Variants in MACROD2 observed in about 807,000 individuals in gnomAD.
The protein encoded by MACROD2 is ADP-ribose glycohydrolase MACROD2.
Under a neutral mutation model 70.4 loss-of-function variants are expected in MACROD2, and 36 were observed. The ratio of observed to expected loss-of-function variants is 0.51; its 90% CI spans 0.39 to 0.68. The LOEUF is 0.68. MACROD2 is among the 30% of genes least tolerant of loss of function. MACROD2 has a pLI of 0.00. For synonymous variants in MACROD2, 172 were observed against 178.8 expected, an observed-to-expected ratio of 0.96 and a Z score of 0.30; for missense variants, 496 against 538.4, an observed-to-expected ratio of 0.92 and a Z score of 0.78.
chr20:14,177,073 CATT>C (rs2081268470), intron 3 of MACROD2, among the ~76,000 whole-genome samples: 1 of 152,166 alleles, frequency 6.6e-6, no homozygotes, highest in South Asian at 2.1e-4. Context: ...AAACACTCAA[CATT>C]ATTAAGATGT....
intron 5 of MACROD2, among the ~76,000 whole-genome samples, chr20:15,148,556 T>C (rs905220193): frequency 1.3e-5 from 2 of 151,936 alleles, no homozygotes; most frequent in Non-Finnish European, 2.9e-5. Context: ...GAGCAGGGCA[T>C]GTATGAGTAG....
chr20:15,322,333 A>G (rs559015455), intron 6 of MACROD2, among the ~76,000 whole-genome samples: 1 of 143,686 alleles, frequency 7.0e-6, no homozygotes, highest in South Asian at 2.3e-4. Context: ...TGGGACGGGG[A>G]TATTTACCAT....
chr20:15,685,642 C>T (rs943971381), intron 8 of MACROD2, among the ~76,000 whole-genome samples: 3 of 152,216 alleles, frequency 2.0e-5, no homozygotes, highest in Middle Eastern at 3.4e-3. Flanking sequence ...CTTGTTTCTT[C>T]TAGTAAACCA....
At position 15,189,101 on chromosome 20, in the gene MACROD2, T is replaced by G. The variant is rs188958202; in HGVS notation, c.419-40839T>G. On this transcript the variant is annotated intron_variant, in intron 5 of 17. Coordinates refer to ENST00000684519, the MANE Select transcript of MACROD2 (RefSeq NM_001351661.2). ...GGGTAACAGTGATATATTTCACTTCTGAGTGAAGGGATTGAGAGCTAATCC... is the reference window on the plus strand; with the variant it reads ...GGGTAACAGTGATATATTTCACTTCGGAGTGAAGGGATTGAGAGCTAATCC... Among the ~76,000 whole-genome samples the G allele has an allele frequency of 1.6e-4, 24 of 152,266 alleles. 1 individual carries two copies. The highest frequency in any genetic ancestry group is 5.2e-4 in the Admixed American group (8 of 15,282).
intron 6 of MACROD2, among the ~76,000 whole-genome samples, chr20:15,278,497 G>A (rs900174912): frequency 2.6e-5 from 4 of 152,320 alleles, no homozygotes; most frequent in African/African-American, 4.8e-5. Context: ...GCCCTGAGTC[G>A]TTGGGAAGTT....
At chr20:14,863,370 G>A (rs2073393114) in intron 5 of MACROD2, among the ~76,000 whole-genome samples, 4 of 152,128 alleles carry the variant, frequency 2.6e-5, no homozygotes, top group African/African-American at 9.7e-5. Flanking sequence ...CCTCTGTAAA[G>A]CTCCAAGGGG....
At chr20:14,082,167 C>CTTTTTTTTCTTTT (rs2054003550) in intron 2 of MACROD2, among the ~76,000 whole-genome samples, 2 of 57,778 alleles carry the variant, frequency 3.5e-5, no homozygotes, top group Non-Finnish European at 6.2e-5. Context: ...CCATACCTTT[C>CTTTTTTTTCTTTT]TTTTTTTTTC....
At chr20:15,000,394 C>T (rs1362344640) in intron 5 of MACROD2, among the ~76,000 whole-genome samples, 3 of 130,230 alleles carry the variant, frequency 2.3e-5, no homozygotes, top group African/African-American at 3.7e-5. Context: ...GAGGCCGAGG[C>T]GGGTGGATCA....
chr20:15,147,150 G>A (rs116602672), intron 5 of MACROD2, among the ~76,000 whole-genome samples: 113 of 152,184 alleles, frequency 7.4e-4, no homozygotes, highest in African/African-American at 2.6e-3. Context: ...GGGGGCGGGA[G>A]CTCCACATGG....
chr20:15,073,623 A>G (rs917486633), intron 5 of MACROD2, among the ~76,000 whole-genome samples: 3 of 152,180 alleles, frequency 2.0e-5, no homozygotes, highest in African/African-American at 4.8e-5. Flanking sequence ...TGTGTAATCA[A>G]TAGTAACACT....
At chr20:15,607,625 C>T in intron 8 of MACROD2, among the ~76,000 whole-genome samples, 1 of 152,166 alleles carries the variant, frequency 6.6e-6, no homozygotes, top group Non-Finnish European at 1.5e-5. Context: ...CCTCTGCCTC[C>T]CGGGTTCAAG....
chr20:15,313,014 C>T (rs911847293), intron 6 of MACROD2, among the ~76,000 whole-genome samples: 4 of 152,048 alleles, frequency 2.6e-5, no homozygotes, highest in African/African-American at 9.7e-5. Context: ...TGTATTTATA[C>T]ACATTTATAT....
At chr20:14,512,954 C>T (rs453013) in intron 4 of MACROD2, among the ~76,000 whole-genome samples, 147,939 of 152,166 alleles carry the variant, frequency 0.97, 72,056 homozygotes, top group East Asian at 1. Context: ...AGGGTCTGAT[C>T]GTGCCCAGGG....
chr20:15,108,007 T>G (rs1186575736), intron 5 of MACROD2, among the ~76,000 whole-genome samples: 1 of 151,856 alleles, frequency 6.6e-6, no homozygotes, highest in East Asian at 1.9e-4. Flanking sequence ...TTACATTTTT[T>G]TATTATTTTT....
In MACROD2 at chr20:14,691,798, G is replaced by C. The variant is rs185633658; in HGVS notation, c.418+6839G>C. On this transcript the variant is annotated intron_variant, in intron 5 of 17. Coordinates refer to ENST00000684519, the MANE Select transcript of MACROD2 (RefSeq NM_001351661.2). Reference sequence around the variant, plus strand: ...TTGATGAAGACCTGAGGGCCCTCATGAGCCCCTTCCATAATCAAATGACTT... The same window carrying C: ...TTGATGAAGACCTGAGGGCCCTCATCAGCCCCTTCCATAATCAAATGACTT... Among the ~76,000 whole-genome samples the C allele has an allele frequency of 3.1e-3, 476 of 152,222 alleles. 3 individuals are homozygous for C. The highest frequency in any genetic ancestry group is 4.4e-3 in the Non-Finnish European group (298 of 68,012).
chr20:15,139,597 A>AT (rs2076176571), intron 5 of MACROD2, among the ~76,000 whole-genome samples: 1 of 152,144 alleles, frequency 6.6e-6, no homozygotes, highest in Non-Finnish European at 1.5e-5. Context: ...TTTTGTTTTC[A>AT]TTTTTTGGGT....
chr20:14,612,450 A>T (rs1472632689), intron 4 of MACROD2, among the ~76,000 whole-genome samples: 1 of 152,140 alleles, frequency 6.6e-6, no homozygotes, highest in Non-Finnish European at 1.5e-5. Context: ...TAATAATTGT[A>T]CTGTAATTTC....
At chr20:14,445,642 G>A (rs1027870208) in intron 3 of MACROD2, among the ~76,000 whole-genome samples, 7 of 151,928 alleles carry the variant, frequency 4.6e-5, no homozygotes, top group African/African-American at 1.5e-4. Flanking sequence ...TTAATCCATG[G>A]CTTGGGAAAA....
rs544146362 is a variant in MACROD2, at chr20:15,876,693, T to A, written c.728-9071T>A. Among the ~76,000 whole-genome samples the A allele has an allele frequency of 2.0e-4, 30 of 152,278 alleles. No individual in the cohort carries two copies. The East Asian group carries it at 4.1e-3, about 21-fold the overall frequency. ...AGATCCCTGAGGAGTCGCCACACTG[T>A]CTTCCACAATGGTTGAACTAGTTTA... On this transcript the variant is annotated intron_variant, in intron 9 of 17. Coordinates refer to ENST00000684519, the MANE Select transcript of MACROD2 (RefSeq NM_001351661.2).
Sources: gnomAD v4.1 joint callset for allele counts (sites outside exome capture counted in the v4.1 genomes callset) on GRCh38, gnomAD v4.1.1 for gene constraint, MANE v1.5 for transcripts, NCBI Gene and HGNC (gene_info 2026-07-23, HGNC 2026-07-21) for gene names.